Variants in ROBO1 observed in about 807,000 individuals in gnomAD.
ROBO1 encodes the protein roundabout guidance receptor 1.
Under a neutral mutation model 195.9 loss-of-function variants are expected in ROBO1, and 149 were observed. That is an observed-to-expected ratio of 0.76 (90% CI 0.67 to 0.87). The LOEUF (loss-of-function observed/expected upper bound fraction) is 0.87. ROBO1 is among the 40% of genes least tolerant of loss of function. The pLI is 0.00. For missense variants in ROBO1, 1,933 were observed against 2,068.3 expected (o/e 0.93, Z 1.27); for synonymous variants, 816 against 733.2 (o/e 1.11, Z -1.82).
chr3:79,503,541 A>C (rs897899627), intron 2 of ROBO1, among the ~76,000 whole-genome samples: 1 of 152,190 alleles, frequency 6.6e-6, no homozygotes, highest in Non-Finnish European at 1.5e-5. Context: ...ACCCTTGGGT[A>C]AGTCACTTTA....
intron 21 of ROBO1, among the ~76,000 whole-genome samples, 197 bp downstream of exon 21, chr3:78,645,951 T>C (rs1239723880): frequency 6.6e-6 from 1 of 152,114 alleles, no homozygotes; most frequent in Non-Finnish European, 1.5e-5. Flanking sequence ...CTGACTAAGA[T>C]GCAACTACTC....
chr3:79,125,393 G>T, intron 3 of ROBO1, 63 bp downstream of exon 3: 1 of 1,286,958 alleles, frequency 7.8e-7, no homozygotes, highest in South Asian at 1.2e-5. Context: ...ACAGGTGGTT[G>T]ATGGTTGATG....
intron 4 of ROBO1, among the ~76,000 whole-genome samples, chr3:78,765,981 G>T (rs1245355743): frequency 6.6e-6 from 1 of 152,082 alleles, no homozygotes; most frequent in East Asian, 1.9e-4. Flanking sequence ...AACTCCTATT[G>T]ATTTGTATTT....
intron 2 of ROBO1, among the ~76,000 whole-genome samples, chr3:79,352,834 G>T (rs2035395998): frequency 6.6e-6 from 1 of 152,120 alleles, no homozygotes; most frequent in South Asian, 2.1e-4. Context: ...AACTAAAAAT[G>T]ATTTATAGAT....
chr3:79,096,672 A>G (rs2079573305), intron 3 of ROBO1, among the ~76,000 whole-genome samples: 1 of 151,154 alleles, frequency 6.6e-6, no homozygotes, highest in Middle Eastern at 3.2e-3. Context: ...ATATGTGTAT[A>G]TATATGTGTG....
chr3:79,610,251 A>T (rs1171838685), intron 1 of ROBO1, among the ~76,000 whole-genome samples: 1 of 151,906 alleles, frequency 6.6e-6, no homozygotes, highest in African/African-American at 2.4e-5. Context: ...TCCTATACGT[A>T]CATATCTATG....
At chr3:78,826,725 C>G (rs1426101925) in intron 4 of ROBO1, among the ~76,000 whole-genome samples, 1 of 152,168 alleles carries the variant, frequency 6.6e-6, no homozygotes, top group African/African-American at 2.4e-5. Context: ...TTCTCCAATC[C>G]TGGCTTCAAC....
At chr3:78,715,266 C>A (rs2081872365) in intron 7 of ROBO1, 1 of 152,128 alleles carries the variant, frequency 6.6e-6, no homozygotes, top group Non-Finnish European at 1.5e-5. Context: ...TTAAATAAAA[C>A]TTTCTGTTCT....
At chr3:79,400,739 G>A (rs764465080) in intron 2 of ROBO1, among the ~76,000 whole-genome samples, 31 of 151,926 alleles carry the variant, frequency 2.0e-4, no homozygotes, top group Non-Finnish European at 4.0e-4. Context: ...GGCTCTATTT[G>A]TTCTTTTTAA....
intron 1 of ROBO1, among the ~76,000 whole-genome samples, chr3:79,595,139 A>T (rs1278970691): frequency 6.6e-6 from 1 of 152,012 alleles, no homozygotes; most frequent in Non-Finnish European, 1.5e-5. Context: ...ACACATATGC[A>T]TGTGTTGATA....
intron 2 of ROBO1, among the ~76,000 whole-genome samples, chr3:79,183,373 GA>G (rs747323175): frequency 3.9e-5 from 6 of 152,312 alleles, no homozygotes; most frequent in Non-Finnish European, 8.8e-5. Flanking sequence ...ACTACAAGTT[GA>G]GGGCAAGTTT....
intron 2 of ROBO1, among the ~76,000 whole-genome samples, chr3:79,194,245 A>G (rs145852031): frequency 6.6e-6 from 1 of 151,698 alleles, no homozygotes; most frequent in Non-Finnish European, 1.5e-5. Flanking sequence ...CCTAGGTAAA[A>G]AGTAACCTCT....
At chr3:79,614,993 A>T (rs897214824) in intron 1 of ROBO1, among the ~76,000 whole-genome samples, 5 of 152,144 alleles carry the variant, frequency 3.3e-5, no homozygotes, top group African/African-American at 1.2e-4. Context: ...CAACAGGGCA[A>T]CCAACTGAAT....
In ROBO1 at chr3:79,040,509, A is replaced by G. The variant is rs549011524; in HGVS notation, c.172+84947T>C. Among the ~76,000 whole-genome samples, 28 of 152,316 alleles carry G rather than the reference A, an allele frequency of 1.8e-4. 1 individual carries two copies. In the South Asian group the frequency reaches 3.9e-3, roughly 21 times the overall value. ...CATTTAATGGGTAACACCAAAGGTC[A>G]AGTCATATCTTTATCTTCAAGCCAA... On this transcript the variant is annotated intron_variant, in intron 3 of 30. Coordinates refer to ENST00000464233, the MANE Select transcript of ROBO1 (RefSeq NM_002941.4).
chr3:78,607,558 T>G (rs76851913), intron 28 of ROBO1, among the ~76,000 whole-genome samples: 1,831 of 152,304 alleles, frequency 0.012, 36 homozygotes, highest in African/African-American at 0.042. Context: ...CACAGAACCA[T>G]TGAATGACAA....
intron 3 of ROBO1, among the ~76,000 whole-genome samples, chr3:79,007,051 G>A (rs2108177550): frequency 6.6e-6 from 1 of 152,132 alleles, no homozygotes; most frequent in South Asian, 2.1e-4. Context: ...AAAAACACTG[G>A]CTAATTAGAT....
intron 2 of ROBO1, among the ~76,000 whole-genome samples, chr3:79,418,054 A>T (rs1016681560): frequency 1.3e-5 from 2 of 152,154 alleles, no homozygotes; most frequent in African/African-American, 2.4e-5. Flanking sequence ...AACCTCAAGC[A>T]ATATACAAGT....
At chr3:79,223,021 GGTAA>G in intron 2 of ROBO1, among the ~76,000 whole-genome samples, 1 of 152,200 alleles carries the variant, frequency 6.6e-6, no homozygotes, top group South Asian at 2.1e-4. Flanking sequence ...TTATGCAAAT[GGTAA>G]ACTTAGCATG....
chr3:79,313,761 C>T (rs1213424944), intron 2 of ROBO1, among the ~76,000 whole-genome samples: 3 of 152,100 alleles, frequency 2.0e-5, no homozygotes, highest in African/African-American at 7.2e-5. Context: ...ACTCATGTCA[C>T]CTGTTGTTAA....
Sources: gnomAD v4.1 joint callset for allele counts (sites outside exome capture counted in the v4.1 genomes callset) on GRCh38, gnomAD v4.1.1 for gene constraint, MANE v1.5 for transcripts, NCBI Gene and HGNC (gene_info 2026-07-23, HGNC 2026-07-21) for gene names.